The following INKA2 variants were observed in gnomAD, a reference collection of about 807,000 sequenced individuals.
INKA2 encodes PAK4-inhibitor INKA2.
A neutral mutation model predicts 9.8 loss-of-function variants in INKA2; 3 were observed. The observed-to-expected ratio is 0.31, with a 90% CI of 0.14 to 0.79. INKA2 has a LOEUF of 0.79. Ranked by LOEUF, INKA2 falls within the 30% of genes least tolerant of loss-of-function variation. The pLI is 0.62. For missense variants in INKA2, 392 were observed against 384.4 expected, an observed-to-expected ratio of 1.02 and a Z score of -0.17; for synonymous variants, 147 against 143.3, an observed-to-expected ratio of 1.03 and a Z score of -0.18.
upstream of INKA2, among the ~76,000 whole-genome samples, chr1:111,739,577 C>T (rs1407834088): frequency 6.6e-6 from 1 of 152,242 alleles, no homozygotes; most frequent in East Asian, 1.9e-4. Flanking sequence ...GCCACTGGGG[C>T]TGGCGAGGAC....
intron 1 of INKA2, chr1:111,745,291 ATATTT>A (rs1371716404): frequency 2.7e-3 from 132 of 49,274 alleles, no homozygotes; most frequent in African/African-American, 9.8e-3. Flanking sequence ...ATATATATAT[ATATTT>A]TTTTTTTTTT....
chr1:111,726,846 C>A lies in INKA2; in HGVS notation c.*122G>T. ...AAGAACTCTGGCTTCTCCCCGCTTT[C>A]TGGGGGAAAGGAACTTGGAGTTGGG... is the stretch of plus-strand genomic sequence containing the variant. On this transcript the variant is annotated 3_prime_UTR_variant, in exon 2 of 2. Coordinates refer to ENST00000357260, the MANE Select transcript of INKA2 (RefSeq NM_019099.5). 2 of 1,036,346 alleles carry A rather than the reference C, an allele frequency of 1.9e-6. No homozygotes were observed. Among genetic ancestry groups the A allele is most frequent in the South Asian group, 3.1e-5 (2 of 65,018 alleles). 64.2% of individuals were successfully genotyped at this position (1,036,346 alleles called of 1,614,324 possible).
chr1:111,749,081 C>T (rs1209237519), intron 1 of INKA2, among the ~76,000 whole-genome samples: 2 of 152,196 alleles, frequency 1.3e-5, no homozygotes, highest in African/African-American at 4.8e-5. Context: ...CTCAAGGCTG[C>T]CTGAGGACAG....
intron 1 of INKA2, chr1:111,755,620 C>T: frequency 6.3e-7 from 1 of 1,587,028 alleles, no homozygotes; most frequent in Non-Finnish European, 8.6e-7. Flanking sequence ...GGCGGCTCCG[C>T]CCAGAAGAGG....
chr1:111,751,027 G>A (rs1663397568), intron 1 of INKA2, among the ~76,000 whole-genome samples: 1 of 152,148 alleles, frequency 6.6e-6, no homozygotes, highest in Non-Finnish European at 1.5e-5. Context: ...TGTCTGCCTG[G>A]TGAGCTCTCT....
intron 1 of INKA2, among the ~76,000 whole-genome samples, chr1:111,738,279 A>G (rs978045239): frequency 6.6e-6 from 1 of 152,182 alleles, no homozygotes; most frequent in Admixed American, 6.5e-5. Flanking sequence ...GTGAAGGAAT[A>G]AGAAAGGTGG....
At chr1:111,737,381 G>A (rs1173748194) in intron 1 of INKA2, among the ~76,000 whole-genome samples, 2 of 152,112 alleles carry the variant, frequency 1.3e-5, no homozygotes, top group Non-Finnish European at 2.9e-5. Flanking sequence ...TATAAAAAAT[G>A]CAAATCAGTA....
chr1:111,755,733 G>A, exon 1 of INKA2: 2 of 1,613,902 alleles, frequency 1.2e-6, no homozygotes, highest in Non-Finnish European at 1.7e-6. Flanking sequence ...CTCCCTCTTG[G>A]GGCTTTCCTC....
chr1:111,743,943 G>T (rs1264160429), upstream of INKA2, among the ~76,000 whole-genome samples: 1 of 152,248 alleles, frequency 6.6e-6, no homozygotes, highest in Non-Finnish European at 1.5e-5. Context: ...AATGTGTTCA[G>T]ATATCACTGC....
At chr1:111,749,470 C>A (rs1472779719) in intron 1 of INKA2, among the ~76,000 whole-genome samples, 3 of 151,766 alleles carry the variant, frequency 2.0e-5, no homozygotes, top group Non-Finnish European at 4.4e-5. Flanking sequence ...GCTAGGGAGC[C>A]AAGGCAGGGG....
chr1:111,752,843 A>G (rs1330211222), intron 1 of INKA2, among the ~76,000 whole-genome samples: 1 of 151,952 alleles, frequency 6.6e-6, no homozygotes. Context: ...ACAGGTGCCC[A>G]CCACCACGCC....
At chr1:111,728,525 A>T (rs197435) in intron 1 of INKA2, among the ~76,000 whole-genome samples, 1 of 152,090 alleles carries the variant, frequency 6.6e-6, no homozygotes, top group Non-Finnish European at 1.5e-5. Flanking sequence ...GAGCATCCCT[A>T]CTCCAAAAAT....
chr1:111,730,441 A>T (rs964807166), intron 1 of INKA2, among the ~76,000 whole-genome samples: 7 of 152,200 alleles, frequency 4.6e-5, no homozygotes, highest in African/African-American at 1.7e-4. Context: ...ATGCTGCAGA[A>T]GCCTCCTAGA....
intron 1 of INKA2, chr1:111,746,356 T>C (rs911355953): frequency 2.0e-5 from 3 of 152,336 alleles, no homozygotes; most frequent in Admixed American, 2.0e-4. Flanking sequence ...TACTGGAGAA[T>C]AGGAACTGAA....
intron 1 of INKA2, among the ~76,000 whole-genome samples, chr1:111,732,209 C>A (rs577832084): frequency 6.6e-6 from 1 of 152,298 alleles, no homozygotes; most frequent in South Asian, 2.1e-4. Context: ...AGTCAGAGGC[C>A]GAGCTTGGGA....
At chr1:111,755,656 C>T in intron 1 of INKA2, 1 of 1,611,242 alleles carries the variant, frequency 6.2e-7, no homozygotes, top group African/African-American at 1.3e-5. Flanking sequence ...GGTGCCCCCA[C>T]CGCAGGCCCG....
rs143199937 is a variant in INKA2 at position 111,736,767 on chromosome 1, T to C, written c.57+2419A>G. Among the ~76,000 whole-genome samples the C allele has an allele frequency of 1.7e-3, 262 of 152,292 alleles. 1 individual carries two copies. The highest frequency in any genetic ancestry group is 6.8e-3 in the Middle Eastern group (2 of 294). On this transcript the variant is annotated intron_variant, in intron 1 of 1. Coordinates refer to ENST00000357260, the MANE Select transcript of INKA2 (RefSeq NM_019099.5). ...CCAACTGTATTCCTTTCCCACCCCA[T>C]TGCAGACCTAGGGTATTAAGTCAAC...
At chr1:111,745,231 T>TATATATACAC (rs1356034280) in intron 1 of INKA2, 1 of 112,722 alleles carries the variant, frequency 8.9e-6, no homozygotes, top group African/African-American at 3.7e-5. Context: ...CAAGCAAATA[T>TATATATACAC]ACACACACAC....
chr1:111,725,981 C>A lies in INKA2; in HGVS notation c.*987G>T, dbSNP rs1431023071. 1 of 396,928 alleles carries A rather than the reference C, an allele frequency of 2.5e-6. No individual in the cohort carries two copies. The highest frequency in any genetic ancestry group is 4.4e-5 in the Admixed American group (1 of 22,690). 24.6% of individuals were successfully genotyped at this position (396,928 alleles called of 1,614,324 possible). ...TGAACTCCTGACCCCAGGTAATCCG[C>A]CTGCCTTGCCCTCCCAAAGTGCTGG... On this transcript the variant is annotated 3_prime_UTR_variant, in exon 2 of 2. Transcript: ENST00000357260.
Sources: allele counts gnomAD v4.1 joint callset (sites outside exome capture counted in the v4.1 genomes callset), GRCh38; gene constraint gnomAD v4.1.1; transcripts MANE v1.5; gene names NCBI Gene and HGNC (gene_info 2026-07-23, HGNC 2026-07-21).